TENM2: variants seen among roughly 807,000 people sequenced by gnomAD.
TENM2 encodes teneurin transmembrane protein 2, also known as teneurin-2.
A neutral mutation model predicts 245.2 loss-of-function variants in TENM2; 52 were observed. The ratio of observed to expected loss-of-function variants is 0.21; its 90% CI spans 0.17 to 0.27. The LOEUF (loss-of-function observed/expected upper bound fraction) is 0.27. Among genes scored for constraint, TENM2 ranks in the 10% least tolerant of loss-of-function variants. The pLI is 1.00. For missense variants in TENM2, 3,046 were observed against 3,666.8 expected (o/e 0.83, Z 4.37); for synonymous variants, 1,363 against 1,438.9 (o/e 0.95, Z 1.19).
chr5:167,885,366 G>GTA (rs1432032791), intron 3 of TENM2, among the ~76,000 whole-genome samples: 1 of 152,104 alleles, frequency 6.6e-6, no homozygotes, highest in Non-Finnish European at 1.5e-5. Context: ...TTTACAAATG[G>GTA]TAATTCATTT....
chr5:168,024,624 C>T (rs1217109568), intron 5 of TENM2, among the ~76,000 whole-genome samples: 1 of 152,202 alleles, frequency 6.6e-6, no homozygotes, highest in African/African-American at 2.4e-5. Flanking sequence ...GCTCCTCTGT[C>T]AGCACAGACG....
chr5:168,035,463 A>G (rs1787578000), intron 5 of TENM2, among the ~76,000 whole-genome samples: 1 of 151,390 alleles, frequency 6.6e-6, no homozygotes, highest in South Asian at 2.1e-4. Context: ...AGCTGCTGCA[A>G]TACAGCCTGG....
At chr5:167,678,269 C>G (rs192717875) in intron 2 of TENM2, among the ~76,000 whole-genome samples, 6 of 152,080 alleles carry the variant, frequency 3.9e-5, no homozygotes, top group African/African-American at 9.6e-5. Flanking sequence ...TATTTGTAAT[C>G]AGGGAAAAGT....
intron 3 of TENM2, among the ~76,000 whole-genome samples, chr5:167,882,452 G>A (rs1773957136): frequency 6.6e-6 from 1 of 152,132 alleles, no homozygotes; most frequent in Non-Finnish European, 1.5e-5. Flanking sequence ...CATGATTTTT[G>A]TCAAGTCATT....
intron 4 of TENM2, among the ~76,000 whole-genome samples, chr5:167,970,005 C>T (rs1201217400): frequency 6.6e-6 from 1 of 152,200 alleles, no homozygotes; most frequent in Non-Finnish European, 1.5e-5. Context: ...GCAAAAGCCA[C>T]AGACCAACTC....
At chr5:167,858,640 C>T (rs1445744112) in intron 2 of TENM2, among the ~76,000 whole-genome samples, 1 of 151,552 alleles carries the variant, frequency 6.6e-6, no homozygotes, top group Admixed American at 6.6e-5. Flanking sequence ...CGCTGCGGCC[C>T]GGGGCAGTGC....
chr5:167,514,832 G>A (rs1770208851), intron 2 of TENM2, among the ~76,000 whole-genome samples: 1 of 152,138 alleles, frequency 6.6e-6, no homozygotes, highest in Non-Finnish European at 1.5e-5. Flanking sequence ...CCAACATGGT[G>A]AAACCCTGTC....
At chr5:167,675,056 T>C (rs1319850951) in intron 2 of TENM2, among the ~76,000 whole-genome samples, 1 of 152,062 alleles carries the variant, frequency 6.6e-6, no homozygotes, top group East Asian at 1.9e-4. Context: ...GTCTGATGAA[T>C]GGTGAGAAAA....
intron 3 of TENM2, among the ~76,000 whole-genome samples, chr5:167,924,581 G>A (rs1777609497): frequency 6.6e-6 from 1 of 152,042 alleles, no homozygotes; most frequent in African/African-American, 2.4e-5. Flanking sequence ...AAAACCAAAG[G>A]GACTCCACTG....
At chr5:167,864,301 G>A (rs939973909) in intron 2 of TENM2, among the ~76,000 whole-genome samples, 1 of 152,134 alleles carries the variant, frequency 6.6e-6, no homozygotes, top group African/African-American at 2.4e-5. Context: ...CATTTGCAGA[G>A]TACTTCACCA....
intron 7 of TENM2, among the ~76,000 whole-genome samples, chr5:168,077,383 G>A (rs1791570194): frequency 6.6e-6 from 1 of 151,722 alleles, no homozygotes; most frequent in Non-Finnish European, 1.5e-5. Context: ...CACTGTTCTA[G>A]GCATGGGGGA....
the TENM2 span, among the ~76,000 whole-genome samples, chr5:167,060,922 T>C: frequency 6.6e-6 from 1 of 152,180 alleles, no homozygotes; most frequent in Non-Finnish European, 1.5e-5. Flanking sequence ...TCACCTGTTG[T>C]TGCTTGTTAA....
chr5:168,174,604 GT>G (rs1759171272), intron 13 of TENM2, among the ~76,000 whole-genome samples: 1 of 152,196 alleles, frequency 6.6e-6, no homozygotes, highest in African/African-American at 2.4e-5. Context: ...AGATGATGCT[GT>G]TGCGTTGAGA....
intron 2 of TENM2, among the ~76,000 whole-genome samples, chr5:167,586,939 G>A (rs1369109678): frequency 1.3e-5 from 2 of 152,190 alleles, no homozygotes; most frequent in Non-Finnish European, 1.5e-5. Flanking sequence ...GTTTGTTAAT[G>A]TTAATTAGTA....
chr5:167,557,818 G>C (rs966375377), intron 2 of TENM2, among the ~76,000 whole-genome samples: 1 of 152,126 alleles, frequency 6.6e-6, no homozygotes, highest in African/African-American at 2.4e-5. Flanking sequence ...ACCCACAAGA[G>C]AGAATTATCT....
chr5:168,152,442 A>G (rs1756730866), intron 12 of TENM2, among the ~76,000 whole-genome samples: 1 of 152,232 alleles, frequency 6.6e-6, no homozygotes, highest in Non-Finnish European at 1.5e-5. Context: ...TCAACCCTGC[A>G]GAAGTAACAA....
chr5:167,321,650 C>T (rs754133178), intron 1 of TENM2, among the ~76,000 whole-genome samples: 9 of 152,230 alleles, frequency 5.9e-5, no homozygotes, highest in Non-Finnish European at 1.0e-4. Flanking sequence ...CCAAAATATC[C>T]ATCCATCCCT....
At chr5:167,453,496 A>C (rs1765729888) in intron 2 of TENM2, among the ~76,000 whole-genome samples, 1 of 152,172 alleles carries the variant, frequency 6.6e-6, no homozygotes, top group Non-Finnish European at 1.5e-5. Context: ...AAGACAGGAA[A>C]CTTGTGAATG....
chr5:168,232,767 C>A (rs561325971), intron 25 of TENM2, among the ~76,000 whole-genome samples: 7 of 152,236 alleles, frequency 4.6e-5, no homozygotes, highest in Non-Finnish European at 1.0e-4. Context: ...CAGACGGAGG[C>A]ATCTCTTAGT....
Sources: gnomAD v4.1 joint callset for allele counts (sites outside exome capture counted in the v4.1 genomes callset) on GRCh38, gnomAD v4.1.1 for gene constraint, MANE v1.5 for transcripts, NCBI Gene and HGNC (gene_info 2026-07-23, HGNC 2026-07-21) for gene names.